The following APBB2 variants were observed in gnomAD, a reference collection of about 807,000 sequenced individuals.
APBB2 encodes the protein Fe65-like 1.
A neutral mutation model predicts 82.5 loss-of-function variants in APBB2; 38 were observed. The observed-to-expected ratio is 0.46, with a 90% CI of 0.36 to 0.60. The LOEUF (loss-of-function observed/expected upper bound fraction) is 0.60, where lower values mean the gene tolerates loss of function less well. APBB2 is among the 20% of genes least tolerant of loss of function. APBB2 has a pLI of 0.00. For missense variants in APBB2, 772 were observed against 972.3 expected (o/e 0.79, Z 2.74); for synonymous variants, 341 against 368.2 (o/e 0.93, Z 0.85).
rs971949561 is a variant in APBB2, at chr4:41,033,317, G to A, written c.-50-13C>T. On this transcript the variant is annotated splice_polypyrimidine_tract_variant and intron_variant, in intron 4 of 17. Coordinates refer to ENST00000508593, the MANE Select transcript of APBB2 (RefSeq NM_004307.2). ...TATAATTTGAAATCTAAAAAGAAGG[G>A]ATCATTTGAGAAATTAAAACTCCAA... 2.0e-6 allele frequency: 3 copies of A among 1,494,638 alleles called. No homozygotes were observed. In the Admixed American group the frequency reaches 6.4e-5, roughly 32 times the overall value. The allele number at this position is 1,494,638 out of a possible 1,614,324, so 92.6% of individuals were successfully genotyped here.
At chr4:41,095,057 G>A (rs189569494) in intron 3 of APBB2, among the ~76,000 whole-genome samples, 2 of 152,190 alleles carry the variant, frequency 1.3e-5, no homozygotes, top group African/African-American at 4.8e-5. Flanking sequence ...TATTAAAGGA[G>A]TGAAACAGAA....
At chr4:40,825,996 T>C in intron 14 of APBB2, 26 bp from the exon 15 acceptor site, 1 of 1,580,460 alleles carries the variant, frequency 6.3e-7, no homozygotes, top group Non-Finnish European at 8.7e-7. Flanking sequence ...GCAACACATC[T>C]TTCTCAGTGG....
rs1375621234 is a variant in APBB2, at chr4:41,214,458, G to C, written c.-470C>G. 1.3e-5 allele frequency: 2 copies of C among 152,468 alleles called. No individual in the cohort carries two copies. The highest frequency in any genetic ancestry group is 2.4e-5 in the African/African-American group (1 of 41,466). 9.4% of individuals were successfully genotyped at this position (152,468 alleles called of 1,614,324 possible). On this transcript the variant is annotated 5_prime_UTR_variant, in exon 1 of 18. Transcript: ENST00000508593. The stretch of plus-strand genomic sequence containing the variant: ...TCCGGCGCCCAGCGGCTCTGCTCCA[G>C]TCTCGCCCTTCCCGGAGCGCCCAGA...
intron 4 of APBB2, among the ~76,000 whole-genome samples, chr4:41,049,146 C>G (rs1435114861): frequency 6.7e-6 from 1 of 149,974 alleles, no homozygotes; most frequent in Non-Finnish European, 1.5e-5. Context: ...GTGAGGAGCC[C>G]CTCTGCCCGG....
At chr4:41,097,214 A>G (rs536412790) in intron 3 of APBB2, among the ~76,000 whole-genome samples, 1 of 152,330 alleles carries the variant, frequency 6.6e-6, no homozygotes, top group East Asian at 1.9e-4. Context: ...GCTCTTGTAT[A>G]ATATAACAAA....
intron 1 of APBB2, among the ~76,000 whole-genome samples, chr4:41,164,388 C>A (rs1350198005): frequency 6.6e-6 from 1 of 152,312 alleles, no homozygotes; most frequent in African/African-American, 2.4e-5. Flanking sequence ...GAATCCACAA[C>A]TGATTTTGAA....
chr4:41,204,438 C>A (rs531820628), intron 1 of APBB2, among the ~76,000 whole-genome samples: 1 of 152,072 alleles, frequency 6.6e-6, no homozygotes, highest in Non-Finnish European at 1.5e-5. Flanking sequence ...AGGCTCCATG[C>A]GGGAGCTAGA....
intron 10 of APBB2, among the ~76,000 whole-genome samples, chr4:40,930,446 TGTGCGCGC>T (rs61391384): frequency 3.0e-3 from 245 of 81,372 alleles, no homozygotes; most frequent in African/African-American, 0.013. Flanking sequence ...TGTGTGTGTG[TGTGCGCGC>T]GCGCGCGCGC....
At chr4:41,090,104 C>A (rs769822946) in intron 3 of APBB2, among the ~76,000 whole-genome samples, 2 of 152,066 alleles carry the variant, frequency 1.3e-5, no homozygotes, top group African/African-American at 2.4e-5. Flanking sequence ...TAAAACACCA[C>A]CATTTTCATC....
intron 2 of APBB2, among the ~76,000 whole-genome samples, chr4:41,108,712 C>T (rs1395866460): frequency 1.3e-5 from 2 of 152,222 alleles, no homozygotes; most frequent in Non-Finnish European, 2.9e-5. Flanking sequence ...GCTGAGCCTG[C>T]ATCAAGGGCA....
chr4:40,852,174 AC>A (rs1393678630), intron 12 of APBB2, among the ~76,000 whole-genome samples: 2 of 151,634 alleles, frequency 1.3e-5, no homozygotes, highest in Non-Finnish European at 2.9e-5. Context: ...ACATAGTGAA[AC>A]CCCGTCTCTA....
chr4:40,810,531 T>C lies in APBB2; in HGVS notation c.*5561A>G, dbSNP rs1744197130. On this transcript the variant is annotated 3_prime_UTR_variant, in exon 18 of 18. Transcript: ENST00000508593. ...AGGTGCAGGTTGCAGTGAGCCAATA[T>C]TGCCCCACTGCACTCCAGCCTGGGA... 7.0e-6 allele frequency: 1 copy of C among 142,286 alleles called. No homozygotes were observed. Among genetic ancestry groups the C allele is most frequent in the African/African-American group, 2.6e-5 (1 of 37,976 alleles). The allele number at this position is 142,286 out of a possible 1,614,324, so 8.8% of individuals were successfully genotyped here.
intron 6 of APBB2, among the ~76,000 whole-genome samples, chr4:40,962,517 A>G (rs941140446): frequency 1.3e-5 from 2 of 152,228 alleles, no homozygotes; most frequent in Non-Finnish European, 2.9e-5. Context: ...TCCTTAAAGC[A>G]AAGACCAGAC....
At chr4:40,823,787 T>A in intron 15 of APBB2, 28 bp from the exon 16 acceptor site, 1 of 1,525,410 alleles carries the variant, frequency 6.6e-7, no homozygotes, top group East Asian at 2.3e-5. Flanking sequence ...TAATTTAAAG[T>A]GTCCTAAAGC....
At chr4:41,062,140 G>A (rs1730067706) in intron 4 of APBB2, among the ~76,000 whole-genome samples, 1 of 149,740 alleles carries the variant, frequency 6.7e-6, no homozygotes, top group Non-Finnish European at 1.5e-5. Flanking sequence ...GTCAGCTTGA[G>A]GTTTCAACAA....
At chr4:41,009,334 T>C (rs1418947498) in intron 6 of APBB2, among the ~76,000 whole-genome samples, 1 of 151,222 alleles carries the variant, frequency 6.6e-6, no homozygotes, top group Non-Finnish European at 1.5e-5. Context: ...TAAACTCCTA[T>C]GAAAATAGTC....
At chr4:40,981,000 T>G (rs1798325894) in intron 6 of APBB2, among the ~76,000 whole-genome samples, 3 of 152,164 alleles carry the variant, frequency 2.0e-5, no homozygotes, top group Admixed American at 2.0e-4. Context: ...GGGATGAGAC[T>G]CAGGGAATGC....
chr4:40,903,212 G>A (rs1016731499), intron 10 of APBB2, among the ~76,000 whole-genome samples: 8 of 144,328 alleles, frequency 5.5e-5, no homozygotes, highest in African/African-American at 1.3e-4. Context: ...TGTAATCCCA[G>A]CACTTTGGGA....
At chr4:41,181,942 C>CAAAAAAAAA (rs35142945) in intron 1 of APBB2, among the ~76,000 whole-genome samples, 1 of 93,880 alleles carries the variant, frequency 1.1e-5, no homozygotes, top group Non-Finnish European at 2.3e-5. Flanking sequence ...GAAACTGTCT[C>CAAAAAAAAA]AAAAAAAAAA....
Sources: allele counts gnomAD v4.1 joint callset (sites outside exome capture counted in the v4.1 genomes callset), GRCh38; gene constraint gnomAD v4.1.1; transcripts MANE v1.5; gene names NCBI Gene and HGNC (gene_info 2026-07-23, HGNC 2026-07-21).